RFTN1: variants seen among roughly 807,000 people sequenced by gnomAD.
The protein encoded by RFTN1 is raftlin.
Under a neutral mutation model 46.5 loss-of-function variants are expected in RFTN1, and 26 were observed. The observed-to-expected ratio is 0.56, with a 90% CI of 0.41 to 0.78. The LOEUF (loss-of-function observed/expected upper bound fraction) is 0.78. RFTN1 is among the 30% of genes least tolerant of loss of function. The pLI, the probability that RFTN1 is intolerant of heterozygous loss-of-function variation, is 0.00. For missense variants in RFTN1, 693 were observed against 718.7 expected, an observed-to-expected ratio of 0.96 and a Z score of 0.41; for synonymous variants, 261 against 284.2, an observed-to-expected ratio of 0.92 and a Z score of 0.82.
rs961930322 is a variant in RFTN1 at position 16,342,423 on chromosome 3, A to G, written c.1146+15509T>C. On this transcript the variant is annotated intron_variant, in intron 7 of 9. Coordinates refer to ENST00000334133, the MANE Select transcript of RFTN1 (RefSeq NM_015150.2). The surrounding 1 kb of genome is among the most constrained non-coding windows in gnomAD (Gnocchi z 4.0). ...CCATCATATGGATATACCATAGTTTATTCATCATTTGATGAACATTTAAGT... is the reference window on the plus strand; with the variant it reads ...CCATCATATGGATATACCATAGTTTGTTCATCATTTGATGAACATTTAAGT... 6.6e-6 allele frequency among the ~76,000 whole-genome samples: 1 copy of G among 152,218 alleles called. No individual in the cohort carries two copies. Among genetic ancestry groups the G allele is most frequent in the African/African-American group, 2.4e-5 (1 of 41,458 alleles).
At position 16,460,089 on chromosome 3, in the gene RFTN1, T is replaced by C. The variant is rs1316612435; in HGVS notation, c.146-26052A>G. On this transcript the variant is annotated intron_variant, in intron 2 of 9. Transcript: ENST00000334133. The surrounding 1 kb of genome is among the most constrained non-coding windows in gnomAD (Gnocchi z 4.8). Reference sequence around the variant, plus strand: ...GTTGATTCAGAAATTACAATGTGAATATTATATAAAATCAGATAATAATGT... The same window carrying C: ...GTTGATTCAGAAATTACAATGTGAACATTATATAAAATCAGATAATAATGT... 6.6e-6 allele frequency among the ~76,000 whole-genome samples: 1 copy of C among 152,232 alleles called. No homozygotes were observed. The highest frequency in any genetic ancestry group is 1.9e-4 in the East Asian group (1 of 5,204).
At position 16,465,259 on chromosome 3, in the gene RFTN1, G is replaced by T. The variant is rs1208996360; in HGVS notation, c.145+28466C>A. On this transcript the variant is annotated intron_variant, in intron 2 of 9. Coordinates refer to ENST00000334133, the MANE Select transcript of RFTN1 (RefSeq NM_015150.2). The surrounding 1 kb of genome is among the most constrained non-coding windows in gnomAD (Gnocchi z 5.1). ...GCCTTAGTATTTCATAGAGGTTTTT[G>T]TTGTTGTTGTTCAGAAAATGAACAT... Among the ~76,000 whole-genome samples, 8 of 150,934 alleles carry T rather than the reference G, an allele frequency of 5.3e-5. No homozygotes were observed. The highest frequency in any genetic ancestry group is 2.1e-4 in the South Asian group (1 of 4,790).
At position 16,443,202 on chromosome 3, in the gene RFTN1, G is replaced by A. The variant is rs896361164; in HGVS notation, c.146-9165C>T. On this transcript the variant is annotated intron_variant, in intron 2 of 9. Coordinates refer to ENST00000334133, the MANE Select transcript of RFTN1 (RefSeq NM_015150.2). The surrounding 1 kb of genome is among the most constrained non-coding windows in gnomAD (Gnocchi z 5.5). ...ACATTCCCACCAACGGGGTGCAAGG[G>A]TTCTCTTATACTTCACATCCTCACC... Among the ~76,000 whole-genome samples the A allele has an allele frequency of 6.6e-6, 1 of 152,106 alleles. No individual in the cohort carries two copies.
rs746511754 is a variant in RFTN1, at chr3:16,378,056, G to A, written c.488C>T (p.Pro163Leu). ...CGAGTTCACAGAGGAATGGTACTGA[G>A]GTATAACACCAACGAATTTCAGGCC... is the stretch of plus-strand genomic sequence containing the variant. ...SQGLKFVGVI[P>L]QYHSSVNSAG... is the part of the protein sequence containing the mutation. The change falls in exon 5 of 10, where the codon CCT becomes CTT. Residue 163 changes from proline (P) to leucine (L), a missense_variant. Pro to Leu is a moderately conservative substitution (Grantham distance 98). Coordinates refer to ENST00000334133, the MANE Select transcript of RFTN1 (RefSeq NM_015150.2). The A allele has an allele frequency of 4.3e-6, 7 of 1,612,150 alleles. No homozygotes were observed. In the South Asian group the frequency reaches 5.5e-5, roughly 13 times the overall value.
Position 16,380,608 on chromosome 3 carries a change from C to G in RFTN1, c.442-2506G>C, listed in dbSNP as rs1216128038. Reference sequence around the variant, plus strand: ...GGGCCCCAGACCAGAGCATCAGCATCCCCTGGGAACCTGTTAGAAATGCAA... The same window carrying G: ...GGGCCCCAGACCAGAGCATCAGCATGCCCTGGGAACCTGTTAGAAATGCAA... On this transcript the variant is annotated intron_variant, in intron 4 of 9. Transcript: ENST00000334133. The surrounding 1 kb of genome is among the most constrained non-coding windows in gnomAD (Gnocchi z 4.8). Among the ~76,000 whole-genome samples the G allele has an allele frequency of 6.6e-6, 1 of 152,184 alleles. No homozygotes were observed. The highest frequency in any genetic ancestry group is 6.5e-5 in the Admixed American group (1 of 15,282).
In RFTN1 at chr3:16,434,008, G is replaced by A. The variant is rs755361405; in HGVS notation, c.175C>T (p.Leu59=). ...GCGGGCAGGTCACGCAGGGAGGCCA[G>A]CCTCACTGCTGAGGACCCAGGGAGC... ...AELPGSSAVR[L]ASLRDLPAQL... is the part of the protein sequence containing the mutation. Residue 59 remains leucine, a synonymous_variant, in exon 3 of 10, where the codon CTG becomes TTG. Transcript: ENST00000334133. 10 of 1,610,310 alleles carry A rather than the reference G, an allele frequency of 6.2e-6. No homozygotes were observed. In the East Asian group the frequency reaches 8.9e-5, roughly 14 times the overall value.
intron 3 of RFTN1, among the ~76,000 whole-genome samples, chr3:16,414,499 T>C (rs985111892): frequency 6.7e-6 from 1 of 149,622 alleles, no homozygotes; most frequent in Non-Finnish European, 1.5e-5. Flanking sequence ...TCCAGCTACT[T>C]GGGAGGCTGA....
intron 2 of RFTN1, among the ~76,000 whole-genome samples, chr3:16,438,585 CAAAAAAAAAAAAAA>C (rs61019061): frequency 3.9e-4 from 12 of 30,466 alleles, no homozygotes; most frequent in African/African-American, 7.4e-4. Flanking sequence ...AACTCTGTCT[CAAAAAAAAAAAAAA>C]AAAAAAAAAA....
chr3:16,371,425 GA>G (rs2073495785), intron 5 of RFTN1, among the ~76,000 whole-genome samples: 1 of 152,082 alleles, frequency 6.6e-6, no homozygotes, highest in South Asian at 2.1e-4. Flanking sequence ...TTAGAAAAAG[GA>G]AACTTTGTTT....
rs1223656777 is a variant in RFTN1 at position 16,425,562 on chromosome 3, C to T, written c.332+8289G>A. Among the ~76,000 whole-genome samples the T allele has an allele frequency of 6.6e-6, 1 of 152,118 alleles. No individual in the cohort carries two copies. The highest frequency in any genetic ancestry group is 1.5e-5 in the Non-Finnish European group (1 of 68,026). On this transcript the variant is annotated intron_variant, in intron 3 of 9. Transcript: ENST00000334133. The surrounding 1 kb of genome is among the most constrained non-coding windows in gnomAD (Gnocchi z 4.3). ...GGAGTGGGGAAAATGAGCTCTCACA[C>T]CAACCATGCACGTCTCCTTCTTGTT...
intron 2 of RFTN1, among the ~76,000 whole-genome samples, chr3:16,464,204 G>A (rs2076052208): frequency 6.6e-6 from 1 of 152,130 alleles, no homozygotes; most frequent in Non-Finnish European, 1.5e-5. Flanking sequence ...CCAGTCCCAA[G>A]AGAACACAAA....
rs2073988612 is a variant in RFTN1, at chr3:16,381,434, GAA to G, written c.442-3334_442-3333del. On this transcript the variant is annotated intron_variant, in intron 4 of 9. Transcript: ENST00000334133. This position sits in a 1 kb window ranked among gnomAD's most constrained non-coding sequence, Gnocchi z 4.2. ...TATTTCTGCCTGAAGGGGAGGTTGAGAAAAGTTTCTCCGAGTAGATCAGGGAT... is the reference window on the plus strand; with the variant it reads ...TATTTCTGCCTGAAGGGGAGGTTGAGAAGTTTCTCCGAGTAGATCAGGGAT... 6.6e-6 allele frequency among the ~76,000 whole-genome samples: 1 copy of G among 152,220 alleles called. No individual in the cohort carries two copies. Among genetic ancestry groups the G allele is most frequent in the Non-Finnish European group, 1.5e-5 (1 of 68,044 alleles).
chr3:16,440,781 T>A lies in RFTN1; in HGVS notation c.146-6744A>T, dbSNP rs1039097118. ...CTAATCTTTAAATGTGACAAGTAAC[T>A]GTAATTTTTTTCTCAATCCCATATG... On this transcript the variant is annotated intron_variant, in intron 2 of 9. Transcript: ENST00000334133. This position sits in a 1 kb window ranked among gnomAD's most constrained non-coding sequence, Gnocchi z 4.6. Among the ~76,000 whole-genome samples, 5 of 152,132 alleles carry A rather than the reference T, an allele frequency of 3.3e-5. No homozygotes were observed.
rs1353837578 is a variant in RFTN1, at chr3:16,361,646, C to A, written c.1031-3599G>T. On this transcript the variant is annotated intron_variant, in intron 6 of 9. Transcript: ENST00000334133. The surrounding 1 kb of genome is among the most constrained non-coding windows in gnomAD (Gnocchi z 4.3). ...GAAGGACAGCCAAGGACCAGGTGAGCAGCAGAATCAGGAGAGAAGGTGGTT... is the reference window on the plus strand; with the variant it reads ...GAAGGACAGCCAAGGACCAGGTGAGAAGCAGAATCAGGAGAGAAGGTGGTT... 2.0e-5 allele frequency among the ~76,000 whole-genome samples: 3 copies of A among 152,162 alleles called. No individual in the cohort carries two copies. Among genetic ancestry groups the A allele is most frequent in the African/African-American group, 7.2e-5 (3 of 41,426 alleles).
chr3:16,439,151 A>G (rs2075574507), intron 2 of RFTN1, among the ~76,000 whole-genome samples: 2 of 152,240 alleles, frequency 1.3e-5, no homozygotes, highest in African/African-American at 4.8e-5. Context: ...GCAATAAAAA[A>G]AGGCTCCTAT....
At chr3:16,431,262 C>T (rs1023364459) in intron 3 of RFTN1, among the ~76,000 whole-genome samples, 4 of 152,134 alleles carry the variant, frequency 2.6e-5, no homozygotes, top group Non-Finnish European at 4.4e-5. Flanking sequence ...AGTGGCAAGC[C>T]CCAATAGTGT....
intron 4 of RFTN1, among the ~76,000 whole-genome samples, chr3:16,389,382 C>T (rs1250500069): frequency 6.6e-6 from 1 of 151,956 alleles, no homozygotes; most frequent in Non-Finnish European, 1.5e-5. Flanking sequence ...TTGTAAATAC[C>T]CTGGAGAACA....
chr3:16,403,205 C>T (rs1241019496), intron 4 of RFTN1, among the ~76,000 whole-genome samples: 1 of 152,170 alleles, frequency 6.6e-6, no homozygotes, highest in Non-Finnish European at 1.5e-5. Flanking sequence ...ACAGCCTCCA[C>T]CTCTGTCCAG....
intron 4 of RFTN1, among the ~76,000 whole-genome samples, chr3:16,403,745 AT>A (rs2074686399): frequency 2.6e-5 from 1 of 38,066 alleles, no homozygotes; most frequent in Non-Finnish European, 3.9e-5. Context: ...ATTATATTAT[AT>A]ATTATATATA....
Sources: gnomAD v4.1 joint callset for allele counts (sites outside exome capture counted in the v4.1 genomes callset) on GRCh38, gnomAD v4.1.1 for gene constraint, Gnocchi (gnomAD v3.1) non-coding constraint, MANE v1.5 for transcripts, NCBI Gene and HGNC (gene_info 2026-07-23, HGNC 2026-07-21) for gene names.